Variants in IL1RAPL2 observed in about 807,000 individuals in gnomAD.
The protein encoded by IL1RAPL2 is X-linked interleukin-1 receptor accessory protein-like 2.
IL1RAPL2 carries 3 observed loss-of-function variants against 44.1 expected under a neutral mutation model. The ratio of observed to expected loss-of-function variants is 0.07; its 90% CI spans 0.03 to 0.18. The LOEUF is 0.18. Ranked by LOEUF, IL1RAPL2 falls within the 10% of genes least tolerant of loss-of-function variation. The pLI is 1.00. For missense variants in IL1RAPL2, 391 were observed against 496.4 expected (o/e 0.79, Z 2.02); for synonymous variants, 181 against 178.8 (o/e 1.01, Z -0.10).
At chrX:105,091,701 A>C (rs760175202) in intron 2 of IL1RAPL2, among the ~76,000 whole-genome samples, 5 of 111,711 alleles carry the variant, frequency 4.5e-5, no homozygotes, top group African/African-American at 1.6e-4. Context: ...TTAATTTTGT[A>C]TTTTGATATT....
chrX:104,935,758 T>C (rs1230442622), intron 2 of IL1RAPL2, among the ~76,000 whole-genome samples: 8 of 111,964 alleles, frequency 7.1e-5, no homozygotes, highest in Non-Finnish European at 1.5e-4. Flanking sequence ...CAGAGTGGAC[T>C]GGATACTTTC....
intron 1 of IL1RAPL2, among the ~76,000 whole-genome samples, chrX:104,657,087 G>C (rs1026294231): frequency 9.0e-6 from 1 of 110,875 alleles, no homozygotes; most frequent in Non-Finnish European, 1.9e-5. Flanking sequence ...TGTGAGATGG[G>C]TCTCCTGAAT....
intron 6 of IL1RAPL2, among the ~76,000 whole-genome samples, chrX:105,571,481 T>C (rs1000996060): frequency 9.0e-6 from 1 of 111,000 alleles, no homozygotes; most frequent in African/African-American, 3.3e-5. Flanking sequence ...TTAGTCAATA[T>C]GTAAGTAGTC....
chrX:104,971,427 A>G (rs1406103943), intron 2 of IL1RAPL2, among the ~76,000 whole-genome samples: 4 of 111,652 alleles, frequency 3.6e-5, no homozygotes, highest in Non-Finnish European at 7.5e-5. Flanking sequence ...TTGTTAGTCA[A>G]CCTGATATAG....
intron 2 of IL1RAPL2, among the ~76,000 whole-genome samples, chrX:105,088,858 A>G (rs2032508637): frequency 8.9e-6 from 1 of 111,817 alleles, no homozygotes; most frequent in Admixed American, 9.5e-5. Context: ...AGAGTTGAGT[A>G]GCACTAGATT....
chrX:105,750,057 C>T (rs373486568), intron 9 of IL1RAPL2, among the ~76,000 whole-genome samples: 3 of 110,092 alleles, frequency 2.7e-5, no homozygotes, highest in African/African-American at 9.9e-5. Flanking sequence ...GTGGTCTTAC[C>T]TCAAAAAAGA....
intron 2 of IL1RAPL2, among the ~76,000 whole-genome samples, chrX:104,960,969 GTTT>G: frequency 9.0e-6 from 1 of 111,275 alleles, no homozygotes; most frequent in Non-Finnish European, 1.9e-5. Flanking sequence ...TTCTAACTTT[GTTT>G]TTAGAAAGCA....
intron 6 of IL1RAPL2, among the ~76,000 whole-genome samples, chrX:105,661,103 G>T (rs1192055665): frequency 9.0e-6 from 1 of 111,675 alleles, no homozygotes; most frequent in African/African-American, 3.3e-5. Context: ...GATATTTCAT[G>T]CCAATGGAAA....
chrX:105,494,175 G>A (rs1462559464), intron 6 of IL1RAPL2, among the ~76,000 whole-genome samples: 1 of 111,621 alleles, frequency 9.0e-6, no homozygotes, highest in Non-Finnish European at 1.9e-5. Flanking sequence ...TTCCCCAAAA[G>A]CATATGATGT....
At chrX:105,310,565 T>C (rs1443440275) in intron 5 of IL1RAPL2, among the ~76,000 whole-genome samples, 1 of 111,631 alleles carries the variant, frequency 9.0e-6, no homozygotes. Context: ...ATATAATCTA[T>C]TTTAAACATT....
At chrX:104,941,463 G>A (rs1423129893) in intron 2 of IL1RAPL2, among the ~76,000 whole-genome samples, 1 of 112,007 alleles carries the variant, frequency 8.9e-6, no homozygotes, top group Non-Finnish European at 1.9e-5. Flanking sequence ...GTGATGAGGA[G>A]CATTTTTTCA....
At chrX:104,732,759 C>A (rs1388631225) in intron 2 of IL1RAPL2, among the ~76,000 whole-genome samples, 2 of 111,327 alleles carry the variant, frequency 1.8e-5, no homozygotes, top group Non-Finnish European at 3.8e-5. Flanking sequence ...AGGGAAAATT[C>A]CCCTGAACTA....
At chrX:104,998,327 G>A (rs760095139) in intron 2 of IL1RAPL2, among the ~76,000 whole-genome samples, 1 of 111,437 alleles carries the variant, frequency 9.0e-6, no homozygotes, top group Non-Finnish European at 1.9e-5. Context: ...GCCCATTGGA[G>A]TGAAATGAGG....
chrX:104,633,746 G>A (rs1477403016), intron 1 of IL1RAPL2, among the ~76,000 whole-genome samples: 1 of 110,347 alleles, frequency 9.1e-6, no homozygotes, highest in Non-Finnish European at 1.9e-5. Context: ...TTCTTTATTA[G>A]TCTTGCTAGC....
At chrX:105,296,693 GGAATCAGAA>G (rs768761254) in intron 5 of IL1RAPL2, among the ~76,000 whole-genome samples, 1 of 112,432 alleles carries the variant, frequency 8.9e-6, no homozygotes, top group Admixed American at 9.4e-5. Context: ...CACTGGGCTA[GGAATCAGAA>G]GACGTTGACA....
At chrX:105,397,710 A>AT (rs1183059094) in intron 5 of IL1RAPL2, among the ~76,000 whole-genome samples, 1 of 111,066 alleles carries the variant, frequency 9.0e-6, no homozygotes, top group Non-Finnish European at 1.9e-5. Flanking sequence ...TAAATATTGT[A>AT]TTTTTATTGT....
At chrX:105,429,808 T>C (rs1357079424) in intron 5 of IL1RAPL2, among the ~76,000 whole-genome samples, 2 of 111,710 alleles carry the variant, frequency 1.8e-5, no homozygotes, top group African/African-American at 6.5e-5. Context: ...AAGCCTTAGC[T>C]TGAGTTTAAC....
chrX:105,044,374 A>T (rs1044682135), intron 2 of IL1RAPL2, among the ~76,000 whole-genome samples: 19 of 110,890 alleles, frequency 1.7e-4, no homozygotes, highest in African/African-American at 5.9e-4. Context: ...CCTAAACCCC[A>T]CTGAAATGAC....
At chrX:104,598,786 G>T (rs1258252240) in intron 1 of IL1RAPL2, among the ~76,000 whole-genome samples, 1 of 112,323 alleles carries the variant, frequency 8.9e-6, no homozygotes. Flanking sequence ...CTTCCAAGTA[G>T]CAACTACATT....
Sources: gnomAD v4.1 joint callset for allele counts (sites outside exome capture counted in the v4.1 genomes callset) on GRCh38, gnomAD v4.1.1 for gene constraint, MANE v1.5 for transcripts, NCBI Gene and HGNC (gene_info 2026-07-23, HGNC 2026-07-21) for gene names.